The following PRR5 variants were observed in gnomAD, a reference collection of about 807,000 sequenced individuals.
PRR5 encodes proline-rich protein 5.
Under a neutral mutation model 30.6 loss-of-function variants are expected in PRR5, and 25 were observed. The ratio of observed to expected loss-of-function variants is 0.82; its 90% CI spans 0.60 to 1.14. The LOEUF (loss-of-function observed/expected upper bound fraction) is 1.14, where lower values mean the gene tolerates loss of function less well. Ranked by LOEUF, PRR5 falls within the 50% of genes most tolerant of loss-of-function variation. The pLI, the probability that PRR5 is intolerant of heterozygous loss-of-function variation, is 0.00. For synonymous variants in PRR5, 286 were observed against 247.1 expected, an observed-to-expected ratio of 1.16 and a Z score of -1.48; for missense variants, 600 against 547.1, an observed-to-expected ratio of 1.10 and a Z score of -0.96.
rs1925277412 is a variant in PRR5 at position 44,691,954 on chromosome 22, C to T, written c.-10-10538C>T. Among the ~76,000 whole-genome samples, 1 of 152,082 alleles carries T rather than the reference C, an allele frequency of 6.6e-6. No homozygotes were observed. Among genetic ancestry groups the T allele is most frequent in the Admixed American group, 6.5e-5 (1 of 15,276 alleles). Reference sequence around the variant, plus strand: ...TCACCTCCACAGTCGGCTCTGTGGGCTCAATTGATGCCATCAGGAACGCGG... The same window carrying T: ...TCACCTCCACAGTCGGCTCTGTGGGTTCAATTGATGCCATCAGGAACGCGG... On this transcript the variant is annotated intron_variant, in intron 1 of 8. Transcript: ENST00000006251. This position sits in a 1 kb window ranked among gnomAD's most constrained non-coding sequence, Gnocchi z 4.4.
chr22:44,719,617 G>A (rs6006852), intron 2 of PRR5, among the ~76,000 whole-genome samples: 1 of 152,030 alleles, frequency 6.6e-6, no homozygotes, highest in Non-Finnish European at 1.5e-5. Context: ...TGTGTTGTCC[G>A]TGCAGAATAC....
chr22:44,687,649 C>T (rs1032022189), intron 1 of PRR5, among the ~76,000 whole-genome samples: 13 of 152,220 alleles, frequency 8.5e-5, no homozygotes, highest in Non-Finnish European at 1.3e-4. Flanking sequence ...TTCAGTTTCA[C>T]CTCCCAGCAT....
At chr22:44,679,760 C>T in intron 1 of PRR5, 3 of 1,527,992 alleles carry the variant, frequency 2.0e-6, no homozygotes, top group Non-Finnish European at 1.8e-6. Context: ...CTCTGGGACA[C>T]TCAGTCTGAT....
chr22:44,729,767 T>G, intron 4 of PRR5: 1 of 985,462 alleles, frequency 1.0e-6, no homozygotes, highest in African/African-American at 1.7e-5. Context: ...CTGGATTCTG[T>G]TTTACAACAT....
At chr22:44,695,479 GTTGTGGT>G (rs1925662726) in intron 1 of PRR5, among the ~76,000 whole-genome samples, 1 of 152,198 alleles carries the variant, frequency 6.6e-6, no homozygotes, top group Admixed American at 6.5e-5. Flanking sequence ...TTTGTGCAAG[GTTGTGGT>G]TTTTTAGAGC....
Position 44,736,951 on chromosome 22 carries a change from G to A in PRR5, c.871G>A (p.Glu291Lys), listed in dbSNP as rs56299305. The A allele has an allele frequency of 5.4e-3, 8,644 of 1,605,058 alleles. 54 individuals are homozygous for A. Among genetic ancestry groups the A allele is most frequent in the Non-Finnish European group, 5.3e-3 (6,267 of 1,177,090 alleles). The change falls in exon 8 of 8, where the codon GAG becomes AAG. Residue 291 changes from glutamate to lysine, a missense_variant. Glu to Lys is a moderately conservative substitution (Grantham distance 56). Transcript: ENST00000336985. ...HSVSEMTSCP[E>K]PQGFSDPPGQ... ...TGTGTCGGAGATGACGTCCTGCCCC[G>A]AGCCTCAGGGCTTCTCCGACCCGCC...
intron 1 of PRR5, among the ~76,000 whole-genome samples, chr22:44,689,136 C>A (rs1386930331): frequency 6.6e-6 from 1 of 152,040 alleles, no homozygotes; most frequent in African/African-American, 2.4e-5. Context: ...TTTAGGTTTT[C>A]TCGTTCTCTA....
At chr22:44,695,379 T>A (rs1322812466) in intron 1 of PRR5, among the ~76,000 whole-genome samples, 2 of 152,132 alleles carry the variant, frequency 1.3e-5, no homozygotes, top group Non-Finnish European at 2.9e-5. Context: ...CAAGGATCAA[T>A]AACAAGGGTG....
intron 1 of PRR5, among the ~76,000 whole-genome samples, chr22:44,695,597 T>C: frequency 6.6e-6 from 1 of 152,136 alleles, no homozygotes; most frequent in East Asian, 1.9e-4. Context: ...TGTTTGTTTT[T>C]TGTTTTTGTT....
At chr22:44,726,535 C>G (rs1920953963) in intron 3 of PRR5, 42 bp from the exon 4 acceptor site, 2 of 1,613,362 alleles carry the variant, frequency 1.2e-6, no homozygotes, top group African/African-American at 2.7e-5. Flanking sequence ...CACCCCCGGG[C>G]ATCCACAAGG....
intron 1 of PRR5, among the ~76,000 whole-genome samples, chr22:44,688,028 G>A (rs1924909561): frequency 6.6e-6 from 1 of 151,656 alleles, no homozygotes; most frequent in African/African-American, 2.4e-5. Context: ...GCCCGCCCTG[G>A]CCTCCCAAAG....
At chr22:44,731,624 G>C in intron 4 of PRR5, 106 bp from the exon 5 acceptor site, 1 of 1,163,052 alleles carries the variant, frequency 8.6e-7, no homozygotes, top group South Asian at 1.3e-5. Context: ...CCAGGGGCCT[G>C]AGCCCAGGCC....
intron 2 of PRR5, among the ~76,000 whole-genome samples, chr22:44,723,014 C>G (rs1186143524): frequency 2.0e-5 from 3 of 148,964 alleles, no homozygotes; most frequent in African/African-American, 7.5e-5. Flanking sequence ...GAGACAGAGA[C>G]TCGCTCTGTC....
intron 1 of PRR5, among the ~76,000 whole-genome samples, chr22:44,696,721 G>GTATGTATTTATTTATTTATT (rs1925777542): frequency 2.0e-5 from 3 of 147,926 alleles, no homozygotes; most frequent in Non-Finnish European, 4.5e-5. Context: ...ATGAACTTAC[G>GTATGTATTTATTTATTTATT]TATTTATTTA....
intron 7 of PRR5, among the ~76,000 whole-genome samples, chr22:44,736,151 C>T (rs754379712): frequency 6.6e-5 from 10 of 152,230 alleles, no homozygotes; most frequent in Non-Finnish European, 1.3e-4. Flanking sequence ...TCCCTGGGTC[C>T]CCACGTCTAC....
chr22:44,696,984 G>A (rs900886488), intron 1 of PRR5, among the ~76,000 whole-genome samples: 23 of 152,088 alleles, frequency 1.5e-4, no homozygotes, highest in African/African-American at 5.1e-4. Flanking sequence ...TGATCCACTG[G>A]CCTCAGCCTC....
intron 1 of PRR5, among the ~76,000 whole-genome samples, chr22:44,711,703 G>A (rs1043284291): frequency 1.6e-4 from 24 of 152,198 alleles, no homozygotes; most frequent in African/African-American, 5.5e-4. Flanking sequence ...TGTAAGGGAG[G>A]CCTGGGCTCC....
intron 1 of PRR5, among the ~76,000 whole-genome samples, chr22:44,670,025 T>C (rs1411842750): frequency 6.6e-6 from 1 of 152,336 alleles, no homozygotes; most frequent in African/African-American, 2.4e-5. Context: ...GTCCCTGTCC[T>C]GAGCTGGTAA....
chr22:44,682,230 A>C (rs1269082340), intron 1 of PRR5, among the ~76,000 whole-genome samples: 1 of 152,236 alleles, frequency 6.6e-6, no homozygotes, highest in Non-Finnish European at 1.5e-5. Flanking sequence ...CTCTGGCCAC[A>C]GTGCCGGGCA....
Sources: allele counts gnomAD v4.1 joint callset (sites outside exome capture counted in the v4.1 genomes callset), GRCh38; gene constraint gnomAD v4.1.1; non-coding constraint Gnocchi (gnomAD v3.1); transcripts MANE v1.5; gene names NCBI Gene and HGNC (gene_info 2026-07-23, HGNC 2026-07-21).